TSG101: variants seen among roughly 807,000 people sequenced by gnomAD.
TSG101 encodes tumor susceptibility gene 101 protein.
In TSG101, 19 loss-of-function variants were observed where a neutral mutation model predicts 48.5. That is an observed-to-expected ratio of 0.39 (90% CI 0.27 to 0.58). The LOEUF (loss-of-function observed/expected upper bound fraction) is 0.58, where lower values mean the gene tolerates loss of function less well. TSG101 is among the 20% of genes least tolerant of loss of function. TSG101 has a pLI of 0.55. For synonymous variants in TSG101, 174 were observed against 169.4 expected, an observed-to-expected ratio of 1.03 and a Z score of -0.21; for missense variants, 365 against 484.4, an observed-to-expected ratio of 0.75 and a Z score of 2.31.
At chr11:18,502,913 A>T (rs1357175743) in intron 6 of TSG101, among the ~76,000 whole-genome samples, 1 of 152,238 alleles carries the variant, frequency 6.6e-6, no homozygotes, top group Non-Finnish European at 1.5e-5. Flanking sequence ...CCGATTTCTC[A>T]GTCTGTGGGA....
chr11:18,484,290 CCA>C (rs1393795894), intron 7 of TSG101, among the ~76,000 whole-genome samples: 1 of 152,108 alleles, frequency 6.6e-6, no homozygotes, highest in African/African-American at 2.4e-5. Context: ...CATGTTAAAC[CCA>C]GTTTCCCTAT....
chr11:18,484,105 A>G (rs756484096), intron 7 of TSG101, 33 bp from the exon 8 acceptor site: 3 of 1,607,954 alleles, frequency 1.9e-6, no homozygotes, highest in Non-Finnish European at 1.7e-6. Context: ...ACACTTGCTT[A>G]CTTCCCAAGT....
intron 1 of TSG101, among the ~76,000 whole-genome samples, chr11:18,524,866 A>G (rs1401798295): frequency 6.6e-6 from 1 of 151,994 alleles, no homozygotes; most frequent in Non-Finnish European, 1.5e-5. Context: ...TAATATTTGA[A>G]TATTCTTGCT....
chr11:18,494,329 G>C (rs542467694), intron 7 of TSG101, among the ~76,000 whole-genome samples: 2 of 152,180 alleles, frequency 1.3e-5, no homozygotes, highest in African/African-American at 4.8e-5. Context: ...CAGAATCAAA[G>C]TAATTCCATT....
intron 6 of TSG101, among the ~76,000 whole-genome samples, chr11:18,503,490 A>G (rs1403469015): frequency 6.6e-6 from 1 of 150,572 alleles, no homozygotes; most frequent in Non-Finnish European, 1.5e-5. Flanking sequence ...CTCCTGCCAC[A>G]GCCTCCTGAG....
intron 8 of TSG101, 102 bp from the exon 9 acceptor site, chr11:18,481,971 AAAC>A (rs1565080029): frequency 1.4e-6 from 2 of 1,470,332 alleles, no homozygotes; most frequent in African/African-American, 2.8e-5. Flanking sequence ...AACCATGTTT[AAAC>A]AACTCATGGA....
intron 1 of TSG101, among the ~76,000 whole-genome samples, chr11:18,526,569 C>A (rs1850378201): frequency 6.6e-6 from 1 of 152,266 alleles, no homozygotes; most frequent in African/African-American, 2.4e-5. Context: ...TGACTGTCGC[C>A]GTCCCCCACC....
intron 7 of TSG101, among the ~76,000 whole-genome samples, chr11:18,496,989 G>A (rs1457414753): frequency 4.6e-5 from 7 of 152,120 alleles, no homozygotes; most frequent in Non-Finnish European, 1.0e-4. Context: ...TACTTGGGAG[G>A]CTGAGGCAGT....
Position 18,516,168 on chromosome 11 carries a change from A to C in TSG101, c.128-4T>G. The C allele has an allele frequency of 6.2e-7, 1 of 1,613,352 alleles. No individual in the cohort carries two copies. ...CTGGAACTGCCATCGTTAAAAACTG[A>C]AAGGAAAGAACAATGATTTAATCAT... is the stretch of plus-strand genomic sequence containing the variant. On this transcript the variant is annotated splice_region_variant and splice_polypyrimidine_tract_variant and intron_variant, in intron 2 of 9. Transcript: ENST00000251968.
chr11:18,490,546 C>G (rs1335294584), intron 7 of TSG101: 1 of 490,338 alleles, frequency 2.0e-6, no homozygotes, highest in Non-Finnish European at 3.9e-6. Context: ...GAATTCCACA[C>G]AGTGGTTTGT....
chr11:18,509,984 T>C (rs969402730), intron 4 of TSG101, among the ~76,000 whole-genome samples: 4 of 152,184 alleles, frequency 2.6e-5, no homozygotes, highest in African/African-American at 9.7e-5. Flanking sequence ...CAATGTATTA[T>C]AAGTATACTG....
At chr11:18,515,710 T>C (rs1236091394) in intron 3 of TSG101, among the ~76,000 whole-genome samples, 1 of 152,256 alleles carries the variant, frequency 6.6e-6, no homozygotes, top group Admixed American at 6.5e-5. Flanking sequence ...GCTAAGATTA[T>C]AGAGCAAGAA....
chr11:18,484,923 C>T (rs1849596382), intron 7 of TSG101, among the ~76,000 whole-genome samples: 1 of 140,276 alleles, frequency 7.1e-6, no homozygotes, highest in Non-Finnish European at 1.5e-5. Flanking sequence ...TATATTTAAC[C>T]TTAATTGCCG....
At chr11:18,486,558 C>A (rs1305135414) in intron 7 of TSG101, among the ~76,000 whole-genome samples, 1 of 151,992 alleles carries the variant, frequency 6.6e-6, no homozygotes. Context: ...CAAATCAAAA[C>A]CACAATGAGA....
chr11:18,501,169 T>TA (rs894733182), intron 7 of TSG101, among the ~76,000 whole-genome samples: 1 of 152,234 alleles, frequency 6.6e-6, no homozygotes, highest in Admixed American at 6.5e-5. Context: ...GCTTTTGAGA[T>TA]ATTAACTATA....
intron 2 of TSG101, among the ~76,000 whole-genome samples, chr11:18,517,857 T>C (rs944568238): frequency 2.0e-5 from 3 of 152,258 alleles, no homozygotes; most frequent in Non-Finnish European, 4.4e-5. Flanking sequence ...TTGACGAATG[T>C]AAGCTATACC....
At chr11:18,497,458 C>A (rs980969593) in intron 7 of TSG101, among the ~76,000 whole-genome samples, 1 of 152,070 alleles carries the variant, frequency 6.6e-6, no homozygotes. Flanking sequence ...ATTTGATTAC[C>A]CGTTCAAAAA....
chr11:18,516,294 T>C, intron 2 of TSG101, 130 bp from the exon 3 acceptor site: 2 of 683,834 alleles, frequency 2.9e-6, no homozygotes, highest in Non-Finnish European at 5.0e-6. Flanking sequence ...GTATCATCCA[T>C]CCTGTCCAAT....
intron 7 of TSG101, among the ~76,000 whole-genome samples, chr11:18,501,148 T>C (rs1470745931): frequency 6.6e-6 from 1 of 152,208 alleles, no homozygotes; most frequent in African/African-American, 2.4e-5. Flanking sequence ...TAGTCTATTT[T>C]TGTTGACTAT....
Sources: gnomAD v4.1 joint callset for allele counts (sites outside exome capture counted in the v4.1 genomes callset) on GRCh38, gnomAD v4.1.1 for gene constraint, MANE v1.5 for transcripts, NCBI Gene and HGNC (gene_info 2026-07-23, HGNC 2026-07-21) for gene names.